Variants in POLA1 observed in about 807,000 individuals in gnomAD.
POLA1 encodes DNA polymerase alpha catalytic subunit.
In POLA1, 15 loss-of-function variants were observed where a neutral mutation model predicts 124.0. The ratio of observed to expected loss-of-function variants is 0.12; its 90% CI spans 0.08 to 0.19. The LOEUF is 0.19. Among genes scored for constraint, POLA1 ranks in the 10% least tolerant of loss-of-function variants. The pLI is 1.00. For missense variants in POLA1, 886 were observed against 1,103.4 expected, an observed-to-expected ratio of 0.80 and a Z score of 2.79; for synonymous variants, 408 against 389.4, an observed-to-expected ratio of 1.05 and a Z score of -0.56.
chrX:24,827,896 C>T (rs1380501487), intron 32 of POLA1, among the ~76,000 whole-genome samples: 1 of 111,942 alleles, frequency 8.9e-6, no homozygotes, highest in Admixed American at 9.5e-5. Context: ...TGCTCAACTA[C>T]GTTTGTAGAA....
intron 11 of POLA1, 93 bp from the exon 12 acceptor site, chrX:24,724,242 A>T: frequency 2.1e-6 from 1 of 473,499 alleles, no homozygotes; most frequent in Non-Finnish European, 3.6e-6. Flanking sequence ...GTGAGGATGA[A>T]AATTGATATA....
chrX:24,954,004 C>G (rs2048076594), intron 36 of POLA1, among the ~76,000 whole-genome samples: 3 of 111,090 alleles, frequency 2.7e-5, no homozygotes, highest in African/African-American at 9.8e-5. Context: ...TTGTGTTGCC[C>G]CAAATTATAG....
chrX:24,955,891 C>T (rs1400132946), intron 36 of POLA1, among the ~76,000 whole-genome samples: 1 of 111,952 alleles, frequency 8.9e-6, no homozygotes, highest in Non-Finnish European at 1.9e-5. Flanking sequence ...CACCTAAAAC[C>T]ATTTTTTAAA....
At chrX:24,786,860 A>AT (rs1341651796) in intron 26 of POLA1, among the ~76,000 whole-genome samples, 8 of 105,999 alleles carry the variant, frequency 7.5e-5, no homozygotes, top group Non-Finnish European at 1.4e-4. Flanking sequence ...TGCCCCTCTA[A>AT]TTTTTTTTAA....
chrX:24,888,598 T>C (rs1324871254), intron 35 of POLA1, among the ~76,000 whole-genome samples: 1 of 92,942 alleles, frequency 1.1e-5, no homozygotes, highest in Non-Finnish European at 2.1e-5. Flanking sequence ...TTTTGTTTGC[T>C]TGTTTTTTTT....
intron 36 of POLA1, among the ~76,000 whole-genome samples, chrX:24,968,259 C>T (rs2048248652): frequency 9.0e-6 from 1 of 111,646 alleles, no homozygotes; most frequent in African/African-American, 3.3e-5. Flanking sequence ...ATTACCTTCC[C>T]ATTAACCATC....
At chrX:24,937,276 T>G (rs1327852110) in intron 36 of POLA1, among the ~76,000 whole-genome samples, 1 of 111,820 alleles carries the variant, frequency 8.9e-6, no homozygotes. Context: ...ATGACATATA[T>G]AATGATAAAA....
At chrX:24,966,001 G>T (rs752578013) in intron 36 of POLA1, among the ~76,000 whole-genome samples, 3 of 111,900 alleles carry the variant, frequency 2.7e-5, no homozygotes, top group African/African-American at 9.7e-5. Context: ...CTATCTTTAA[G>T]TAGCTTCGTA....
chrX:24,899,526 A>G (rs1381560233), intron 35 of POLA1, among the ~76,000 whole-genome samples: 1 of 111,710 alleles, frequency 9.0e-6, no homozygotes, highest in Non-Finnish European at 1.9e-5. Flanking sequence ...AAGCCACTCA[A>G]GCCTAAAAAT....
Position 24,870,768 on chromosome X carries a change from G to A in POLA1, c.4048-17238G>A, listed in dbSNP as rs890763506. 2.7e-5 allele frequency among the ~76,000 whole-genome samples: 3 copies of A among 112,022 alleles called. No homozygotes were observed. In the Admixed American group the frequency reaches 2.8e-4, roughly 11 times the overall value. On this transcript the variant is annotated intron_variant, in intron 34 of 36. Coordinates refer to ENST00000379068, the MANE Select transcript of POLA1 (RefSeq NM_001330360.2). ...CCTAAAATCATCTTAGTGTCGATGG[G>A]AGGCATGTTAGGCTTGCCACAGATG...
At chrX:24,715,281 A>G in intron 6 of POLA1, 78 bp downstream of exon 6, 1 of 657,120 alleles carries the variant, frequency 1.5e-6, no homozygotes, top group Non-Finnish European at 2.4e-6. Context: ...TACAAAACAG[A>G]CTATTGCCAG....
intron 36 of POLA1, among the ~76,000 whole-genome samples, chrX:24,981,549 T>C (rs772383307): frequency 8.9e-6 from 1 of 112,705 alleles, no homozygotes; most frequent in Non-Finnish European, 1.9e-5. Context: ...TAAATACAGG[T>C]GTTGTCACAC....
intron 22 of POLA1, among the ~76,000 whole-genome samples, chrX:24,742,979 C>A (rs1931765863): frequency 9.0e-6 from 1 of 111,673 alleles, no homozygotes; most frequent in South Asian, 3.7e-4. Flanking sequence ...TCTGTAAATT[C>A]AAAAACACAT....
At chrX:24,874,763 C>G (rs971483253) in intron 34 of POLA1, among the ~76,000 whole-genome samples, 34 of 111,644 alleles carry the variant, frequency 3.0e-4, no homozygotes, top group Middle Eastern at 4.6e-3. Flanking sequence ...GTTAGAGATG[C>G]AAATTCTCAG....
intron 35 of POLA1, among the ~76,000 whole-genome samples, chrX:24,896,919 A>G (rs1021819678): frequency 8.9e-6 from 1 of 112,381 alleles, no homozygotes; most frequent in African/African-American, 3.2e-5. Flanking sequence ...TTTAAGTGCA[A>G]GGTGCTTAAC....
At chrX:24,828,753 A>G (rs1040919497) in intron 32 of POLA1, among the ~76,000 whole-genome samples, 4 of 111,522 alleles carry the variant, frequency 3.6e-5, no homozygotes, top group African/African-American at 1.3e-4. Flanking sequence ...TAAGATAAGG[A>G]CTTGCGTAGC....
chrX:24,852,529 C>T (rs936358163), intron 34 of POLA1, among the ~76,000 whole-genome samples: 5 of 110,885 alleles, frequency 4.5e-5, no homozygotes, highest in Admixed American at 3.8e-4. Flanking sequence ...AGGCTGATCT[C>T]GAACTCCCGA....
rs1222134645 is a variant in POLA1, at chrX:24,922,701, A to C, written c.4165-7752A>C. On this transcript the variant is annotated intron_variant, in intron 35 of 36. Coordinates refer to ENST00000379068, the MANE Select transcript of POLA1 (RefSeq NM_001330360.2). ...AGGGAGTTTGAAACTAATCTGTAGA[A>C]CCTCATTCTACCACTACATTTTACT... Among the ~76,000 whole-genome samples the C allele has an allele frequency of 2.7e-5, 3 of 111,452 alleles. No individual in the cohort carries two copies. In the Admixed American group the frequency reaches 2.9e-4, roughly 11 times the overall value.
intron 34 of POLA1, among the ~76,000 whole-genome samples, chrX:24,878,282 T>A (rs2046960887): frequency 8.9e-6 from 1 of 111,926 alleles, no homozygotes; most frequent in Admixed American, 9.5e-5. Flanking sequence ...TGTCGTTCAC[T>A]ACCCAAAGGC....
Sources: allele counts gnomAD v4.1 joint callset (sites outside exome capture counted in the v4.1 genomes callset), GRCh38; gene constraint gnomAD v4.1.1; transcripts MANE v1.5; gene names NCBI Gene and HGNC (gene_info 2026-07-23, HGNC 2026-07-21).